RBFOX3: variants seen among roughly 807,000 people sequenced by gnomAD.
RBFOX3 encodes the protein RNA binding fox-1 homolog 3.
RBFOX3 carries 17 observed loss-of-function variants against 48.7 expected under a neutral mutation model. The ratio of observed to expected loss-of-function variants is 0.35; its 90% CI spans 0.24 to 0.52. RBFOX3 has a LOEUF of 0.52. Among genes scored for constraint, RBFOX3 ranks in the 20% least tolerant of loss-of-function variants. The pLI is 0.94. For missense variants in RBFOX3, 382 were observed against 497.5 expected (o/e 0.77, Z 2.21); for synonymous variants, 212 against 209.5 (o/e 1.01, Z -0.10).
At chr17:79,630,275 C>T in the RBFOX3 span, among the ~76,000 whole-genome samples, 5 of 152,214 alleles carry the variant, frequency 3.3e-5, no homozygotes, top group African/African-American at 7.2e-5. Flanking sequence ...TAGGGAAACA[C>T]GGTCGGCCAA....
chr17:79,653,039 C>T, the RBFOX3 span, among the ~76,000 whole-genome samples: 1 of 152,120 alleles, frequency 6.6e-6, no homozygotes, highest in Non-Finnish European at 1.5e-5. Context: ...AAAAAAAATG[C>T]CTTCGAAATT....
At chr17:79,365,092 T>C (rs538866666) in intron 2 of RBFOX3, among the ~76,000 whole-genome samples, 1 of 152,170 alleles carries the variant, frequency 6.6e-6, no homozygotes, top group South Asian at 2.1e-4. Context: ...AAAGCCTCTC[T>C]ACCCTCAACA....
chr17:79,223,367 C>G (rs1362814845), intron 4 of RBFOX3, among the ~76,000 whole-genome samples: 2 of 152,208 alleles, frequency 1.3e-5, no homozygotes, highest in African/African-American at 4.8e-5. Flanking sequence ...ATGCCCTTAT[C>G]CACCCCCCTC....
intron 4 of RBFOX3, among the ~76,000 whole-genome samples, chr17:79,200,915 C>G (rs770532226): frequency 1.3e-5 from 2 of 152,030 alleles, no homozygotes; most frequent in African/African-American, 4.8e-5. Context: ...TCTCTGTGTG[C>G]GGCGGGCAGC....
At chr17:79,663,615 T>C in the RBFOX3 span, among the ~76,000 whole-genome samples, 2 of 152,210 alleles carry the variant, frequency 1.3e-5, no homozygotes, top group African/African-American at 4.8e-5. Context: ...TTGACACAGC[T>C]CTAGTTTCAT....
intron 2 of RBFOX3, among the ~76,000 whole-genome samples, chr17:79,416,532 C>A (rs979665183): frequency 2.6e-5 from 4 of 152,248 alleles, no homozygotes; most frequent in Non-Finnish European, 5.9e-5. Context: ...CTGGTGTGGC[C>A]CCTGCGATGG....
At chr17:79,484,275 G>T (rs1265264950) in intron 1 of RBFOX3, among the ~76,000 whole-genome samples, 2 of 152,234 alleles carry the variant, frequency 1.3e-5, no homozygotes, top group Non-Finnish European at 2.9e-5. Context: ...GAACCGAAGA[G>T]CAGAACCAGC....
At chr17:79,654,441 G>A in the RBFOX3 span, among the ~76,000 whole-genome samples, 1 of 152,152 alleles carries the variant, frequency 6.6e-6, no homozygotes, top group Admixed American at 6.5e-5. Flanking sequence ...ATTAGAAAAG[G>A]TTACCTTGGC....
At chr17:79,280,169 ACC>A (rs1491239145) in intron 3 of RBFOX3, among the ~76,000 whole-genome samples, 1 of 121,536 alleles carries the variant, frequency 8.2e-6, no homozygotes, top group Non-Finnish European at 1.8e-5. Flanking sequence ...ACACGCACAC[ACC>A]ACTCACACAC....
At chr17:79,411,358 C>T (rs1044989550) in intron 2 of RBFOX3, among the ~76,000 whole-genome samples, 1 of 152,184 alleles carries the variant, frequency 6.6e-6, no homozygotes, top group South Asian at 2.1e-4. Flanking sequence ...TCTGGAATTA[C>T]CTGCAGTTAC....
In RBFOX3 at chr17:79,195,171, G is replaced by A. The variant is rs1469676884; in HGVS notation, c.-34+40595C>T. 6.6e-6 allele frequency among the ~76,000 whole-genome samples: 1 copy of A among 152,134 alleles called. No homozygotes were observed. Among genetic ancestry groups the A allele is most frequent in the Admixed American group, 6.5e-5 (1 of 15,280 alleles). On this transcript the variant is annotated intron_variant, in intron 4 of 14. Transcript: ENST00000693108. This position sits in a 1 kb window ranked among gnomAD's most constrained non-coding sequence, Gnocchi z 5.3. ...GGCACTTTGGGAGGCTGAGGCAGGT[G>A]GATCACCTGAGGTCAGGAGTTCGAG...
chr17:79,209,709 G>A (rs1274190403), intron 4 of RBFOX3, among the ~76,000 whole-genome samples: 4 of 152,216 alleles, frequency 2.6e-5, no homozygotes, highest in Admixed American at 6.5e-5. Context: ...AAAGGACGGC[G>A]CTGGCCGGGC....
chr17:79,419,851 G>A (rs1021886490), intron 2 of RBFOX3, among the ~76,000 whole-genome samples: 2 of 152,184 alleles, frequency 1.3e-5, no homozygotes, highest in Admixed American at 6.5e-5. Flanking sequence ...CAGGGGCCGG[G>A]CGCGGTGGCT....
At chr17:79,650,269 G>A in the RBFOX3 span, among the ~76,000 whole-genome samples, 76,555 of 151,944 alleles carry the variant, frequency 0.5, 22,857 homozygotes, top group Middle Eastern at 0.66. Flanking sequence ...GAAACAGAAT[G>A]AATTAGAGAG....
At chr17:79,183,944 G>T (rs565722742) in intron 4 of RBFOX3, among the ~76,000 whole-genome samples, 1 of 152,344 alleles carries the variant, frequency 6.6e-6, no homozygotes, top group African/African-American at 2.4e-5. Flanking sequence ...CCTGGCCTGG[G>T]GGGTCTGGAA....
intron 2 of RBFOX3, among the ~76,000 whole-genome samples, chr17:79,375,364 C>CAT (rs2059097398): frequency 6.6e-5 from 9 of 135,690 alleles, no homozygotes; most frequent in Admixed American, 6.2e-4. Flanking sequence ...AGAAGACACA[C>CAT]ACACACACAC....
At chr17:79,456,879 C>A (rs2074588477) in intron 2 of RBFOX3, among the ~76,000 whole-genome samples, 1 of 152,264 alleles carries the variant, frequency 6.6e-6, no homozygotes, top group Admixed American at 6.5e-5. Context: ...CCACTCAGCA[C>A]AGGGCTGCCT....
intron 4 of RBFOX3, among the ~76,000 whole-genome samples, chr17:79,133,236 G>A (rs955533304): frequency 1.3e-5 from 2 of 152,188 alleles, no homozygotes; most frequent in African/African-American, 4.8e-5. Context: ...AGAGGAGGCT[G>A]CAGGGGAAAC....
At chr17:79,253,869 G>A (rs957139546) in intron 3 of RBFOX3, among the ~76,000 whole-genome samples, 1 of 152,230 alleles carries the variant, frequency 6.6e-6, no homozygotes, top group Admixed American at 6.5e-5. Context: ...GGGTGGCCAT[G>A]GGATGGGATT....
Sources: gnomAD v4.1 joint callset for allele counts (sites outside exome capture counted in the v4.1 genomes callset) on GRCh38, gnomAD v4.1.1 for gene constraint, Gnocchi (gnomAD v3.1) non-coding constraint, MANE v1.5 for transcripts, NCBI Gene and HGNC (gene_info 2026-07-23, HGNC 2026-07-21) for gene names.